HHIP: variants seen among roughly 807,000 people sequenced by gnomAD.
HHIP encodes the protein hedgehog-interacting protein.
In HHIP, 12 loss-of-function variants were observed where a neutral mutation model predicts 74.0. That is an observed-to-expected ratio of 0.16 (90% CI 0.10 to 0.26). The LOEUF (loss-of-function observed/expected upper bound fraction) is 0.26. Ranked by LOEUF, HHIP falls within the 10% of genes least tolerant of loss-of-function variation. The pLI, the probability that HHIP is intolerant of heterozygous loss-of-function variation, is 1.00. For missense variants in HHIP, 788 were observed against 845.0 expected (o/e 0.93, Z 0.84); for synonymous variants, 309 against 311.6 (o/e 0.99, Z 0.09).
intron 4 of HHIP, among the ~76,000 whole-genome samples, chr4:144,704,732 A>C (rs1042200612): frequency 2.0e-5 from 3 of 152,206 alleles, no homozygotes; most frequent in Non-Finnish European, 2.9e-5. Context: ...TTTAGGGGGA[A>C]ATATATTTGA....
chr4:144,672,988 G>T (rs966117588), intron 4 of HHIP, among the ~76,000 whole-genome samples: 6 of 152,090 alleles, frequency 3.9e-5, no homozygotes, highest in Admixed American at 6.6e-5. Context: ...TGAGCTACAG[G>T]GCCTGGCTCC....
At chr4:144,705,440 C>T (rs537231157) in intron 4 of HHIP, among the ~76,000 whole-genome samples, 5 of 152,110 alleles carry the variant, frequency 3.3e-5, no homozygotes, top group Admixed American at 1.3e-4. Context: ...TACGCTATGT[C>T]GTGATGTTTA....
chr4:144,704,983 T>C (rs1730091715), intron 4 of HHIP, among the ~76,000 whole-genome samples: 2 of 152,262 alleles, frequency 1.3e-5, no homozygotes, highest in Non-Finnish European at 2.9e-5. Context: ...GAGTCATTCA[T>C]ATATCGGTCA....
chr4:144,738,783 C>A lies in HHIP; in HGVS notation c.*826C>A, dbSNP rs1028125431. On this transcript the variant is annotated 3_prime_UTR_variant, in exon 13 of 13. Coordinates refer to ENST00000296575, the MANE Select transcript of HHIP (RefSeq NM_022475.3). ...ACACTAAAGTTACATTTTTCACCAA[C>A]TTAATTGGAAAGAAGGGGAGTGAGA... is the stretch of plus-strand genomic sequence containing the variant. 2.3e-5 allele frequency: 16 copies of A among 709,868 alleles called. No individual in the cohort carries two copies. Among genetic ancestry groups the A allele is most frequent in the African/African-American group, 3.9e-5 (2 of 51,578 alleles). The allele number at this position is 709,868 out of a possible 1,614,324, so 44.0% of individuals were successfully genotyped here.
At chr4:144,719,474 G>T (rs2126671330) in intron 11 of HHIP, among the ~76,000 whole-genome samples, 1 of 152,200 alleles carries the variant, frequency 6.6e-6, no homozygotes, top group African/African-American at 2.4e-5. Context: ...AACTTAAGTA[G>T]GGTTTTGTTA....
intron 10 of HHIP, among the ~76,000 whole-genome samples, chr4:144,717,117 A>G (rs949014319): frequency 6.6e-6 from 1 of 152,142 alleles, no homozygotes; most frequent in African/African-American, 2.4e-5. Flanking sequence ...ACAACCCTGT[A>G]TATACCTCAT....
intron 11 of HHIP, 104 bp from the exon 12 acceptor site, chr4:144,734,637 C>T: frequency 1.1e-6 from 1 of 892,776 alleles, no homozygotes; most frequent in East Asian, 2.8e-5. Context: ...AAAAGTCTCT[C>T]TAGAAAGTAA....
chr4:144,687,621 A>G (rs1729526000), intron 4 of HHIP, among the ~76,000 whole-genome samples: 1 of 152,064 alleles, frequency 6.6e-6, no homozygotes, highest in African/African-American at 2.4e-5. Context: ...AGTTGCCCTA[A>G]ATTAAGCTGA....
chr4:144,674,320 G>A (rs145739892), intron 4 of HHIP, among the ~76,000 whole-genome samples: 2 of 152,248 alleles, frequency 1.3e-5, no homozygotes, highest in Admixed American at 1.3e-4. Context: ...ATGTGCGAAG[G>A]CCATCTCTGC....
intron 1 of HHIP, among the ~76,000 whole-genome samples, chr4:144,649,190 G>T (rs933994601): frequency 1.3e-5 from 2 of 151,872 alleles, no homozygotes; most frequent in Non-Finnish European, 2.9e-5. Flanking sequence ...TGTGTATACA[G>T]GAGAGATGAT....
rs1401761430 is a variant in HHIP, at chr4:144,743,031, C to A, written c.*5074C>A. ...TATATTATATATATATAATATATAT[C>A]TTATATATATATATATCTTAATACA... On this transcript the variant is annotated 3_prime_UTR_variant, in exon 13 of 13. Transcript: ENST00000296575. The A allele has an allele frequency of 8.7e-5, 11 of 125,986 alleles. No individual in the cohort carries two copies. Among genetic ancestry groups the A allele is most frequent in the African/African-American group, 3.2e-4 (11 of 34,382 alleles). The allele number at this position is 125,986 out of a possible 1,614,324, so 7.8% of individuals were successfully genotyped here.
At chr4:144,724,666 G>A (rs574637725) in intron 11 of HHIP, among the ~76,000 whole-genome samples, 1 of 120,208 alleles carries the variant, frequency 8.3e-6, no homozygotes, top group African/African-American at 2.9e-5. Context: ...GTGTGTGTGT[G>A]TGTATATATA....
chr4:144,743,185 T>A lies in HHIP; in HGVS notation c.*5228T>A, dbSNP rs978044306. On this transcript the variant is annotated 3_prime_UTR_variant, in exon 13 of 13. Coordinates refer to ENST00000296575, the MANE Select transcript of HHIP (RefSeq NM_022475.3). ...AAGTTTTTAGGAGAGTAATATATAT[T>A]CATGGGATTGTGAGGGAGCATTGTA... 6.6e-6 allele frequency: 1 copy of A among 150,898 alleles called. No homozygotes were observed. The highest frequency in any genetic ancestry group is 1.5e-5 in the Non-Finnish European group (1 of 67,714). 9.3% of individuals were successfully genotyped at this position (150,898 alleles called of 1,614,324 possible). A position where few individuals can be genotyped will look rare whatever the true frequency, so the allele number is the denominator to read the frequency against.
chr4:144,722,893 T>C (rs1730678112), intron 11 of HHIP, among the ~76,000 whole-genome samples: 1 of 152,112 alleles, frequency 6.6e-6, no homozygotes, highest in South Asian at 2.1e-4. Context: ...GTTTTCAAAT[T>C]ATACCTTGGA....
At chr4:144,720,303 T>C (rs1308277779) in intron 11 of HHIP, among the ~76,000 whole-genome samples, 4 of 152,194 alleles carry the variant, frequency 2.6e-5, no homozygotes, top group Admixed American at 1.3e-4. Flanking sequence ...AATAGCAGCA[T>C]TCTAAAGACT....
Position 144,734,840 on chromosome 4 carries a change from G to A in HHIP, c.1860G>A (p.Thr620=), listed in dbSNP as rs748140286. 9.3e-6 allele frequency: 15 copies of A among 1,612,844 alleles called. No homozygotes were observed. The highest frequency in any genetic ancestry group is 1.7e-4 in the Middle Eastern group (1 of 6,034). Residue 620 remains threonine (T), a synonymous_variant, in exon 12 of 13, where the codon ACG becomes ACA. Coordinates refer to ENST00000296575, the MANE Select transcript of HHIP (RefSeq NM_022475.3). ...GTCGAAACGGCTACTGCACCCCCAC[G>A]GGAAAGTGCTGCTGCAGTCCAGGCT... ...RLCRNGYCTP[T]GKCCCSPGWE... is the part of the protein sequence containing the mutation.
At chr4:144,724,530 C>T (rs919817951) in intron 11 of HHIP, among the ~76,000 whole-genome samples, 1 of 151,546 alleles carries the variant, frequency 6.6e-6, no homozygotes, top group African/African-American at 2.4e-5. Context: ...CATATATTTA[C>T]AGTGTACAAC....
chr4:144,729,768 G>A (rs1436376622), intron 11 of HHIP, among the ~76,000 whole-genome samples: 3 of 152,034 alleles, frequency 2.0e-5, no homozygotes, highest in Admixed American at 1.3e-4. Context: ...AGCTGTCTAA[G>A]ACAGGCTACA....
At chr4:144,690,699 T>TTATAGGTGA (rs1247619785) in intron 4 of HHIP, among the ~76,000 whole-genome samples, 2 of 152,192 alleles carry the variant, frequency 1.3e-5, no homozygotes, top group Non-Finnish European at 1.5e-5. Flanking sequence ...TGGGCCTATT[T>TTATAGGTGA]TATAGGTGAT....
Sources: gnomAD v4.1 joint callset for allele counts (sites outside exome capture counted in the v4.1 genomes callset) on GRCh38, gnomAD v4.1.1 for gene constraint, MANE v1.5 for transcripts, NCBI Gene and HGNC (gene_info 2026-07-23, HGNC 2026-07-21) for gene names.